The following ADAM23 variants were observed in gnomAD, a reference collection of about 807,000 sequenced individuals.
The protein encoded by ADAM23 is ADAM metallopeptidase domain 23.
A neutral mutation model predicts 120.1 loss-of-function variants in ADAM23; 33 were observed. The observed-to-expected ratio is 0.27, with a 90% CI of 0.21 to 0.37. ADAM23 has a LOEUF of 0.37. ADAM23 is among the 10% of genes least tolerant of loss of function. ADAM23 has a pLI of 1.00. For missense variants in ADAM23, 862 were observed against 1,058.2 expected (o/e 0.81, Z 2.57); for synonymous variants, 367 against 375.2 (o/e 0.98, Z 0.25).
chr2:206,583,229 C>T lies in ADAM23; in HGVS notation c.1738-4096C>T, dbSNP rs181440116. On this transcript the variant is annotated intron_variant, in intron 18 of 25. Transcript: ENST00000264377. Reference sequence around the variant, plus strand: ...CAGCACTTTGGGAGGCCAAGGCGGGCGGATCACGAGGTCAGGAGATCGAGA... The same window carrying T: ...CAGCACTTTGGGAGGCCAAGGCGGGTGGATCACGAGGTCAGGAGATCGAGA... Among the ~76,000 whole-genome samples, 404 of 152,264 alleles carry T rather than the reference C, an allele frequency of 2.7e-3. 1 individual carries two copies. Among genetic ancestry groups the T allele is most frequent in the African/African-American group, 9.3e-3 (385 of 41,562 alleles).
chr2:206,486,529 A>G (rs1696016984), intron 3 of ADAM23, among the ~76,000 whole-genome samples: 1 of 152,148 alleles, frequency 6.6e-6, no homozygotes, highest in African/African-American at 2.4e-5. Context: ...CAAAGCCTAT[A>G]TTACCCATAA....
intron 3 of ADAM23, among the ~76,000 whole-genome samples, chr2:206,493,933 C>T (rs1406287524): frequency 6.6e-6 from 1 of 152,154 alleles, no homozygotes; most frequent in Non-Finnish European, 1.5e-5. Context: ...TGTAAATCTC[C>T]AGGATTTCTT....
chr2:206,465,422 A>G (rs922376959), intron 2 of ADAM23, among the ~76,000 whole-genome samples: 4 of 152,218 alleles, frequency 2.6e-5, no homozygotes, highest in Non-Finnish European at 5.9e-5. Context: ...CAGAAAAAAA[A>G]GAGTTTGCTT....
intron 24 of ADAM23, chr2:206,605,703 G>A: frequency 1.5e-6 from 1 of 682,796 alleles, no homozygotes. Context: ...AACTTTCAAA[G>A]CATGTCCTGA....
intron 9 of ADAM23, 34 bp downstream of exon 9, chr2:206,550,194 A>C: frequency 7.6e-7 from 1 of 1,311,486 alleles, no homozygotes; most frequent in African/African-American, 1.5e-5. Context: ...TTTAGAACAG[A>C]TAGCTTACTT....
At chr2:206,556,835 A>G (rs1237510090) in intron 9 of ADAM23, among the ~76,000 whole-genome samples, 1 of 152,140 alleles carries the variant, frequency 6.6e-6, no homozygotes, top group Non-Finnish European at 1.5e-5. Context: ...TGCCTGGCAA[A>G]TGCTGTCCAT....
intron 24 of ADAM23, among the ~76,000 whole-genome samples, chr2:206,598,808 G>A (rs750156896): frequency 5.3e-5 from 8 of 151,988 alleles, no homozygotes; most frequent in Non-Finnish European, 7.4e-5. Context: ...GCTGAGGCAC[G>A]AGAATTGCTT....
chr2:206,595,978 T>C, intron 23 of ADAM23, 73 bp from the exon 24 acceptor site: 1 of 1,192,948 alleles, frequency 8.4e-7, no homozygotes, highest in East Asian at 2.5e-5. Context: ...TGCCCCCGTG[T>C]CTCTTTTACA....
intron 2 of ADAM23, among the ~76,000 whole-genome samples, chr2:206,473,572 A>AAATAATAATAATAATAATAATAATAAT (rs137861771): frequency 4.8e-5 from 7 of 147,168 alleles, no homozygotes; most frequent in Non-Finnish European, 7.5e-5. Context: ...CCCATCTCTA[A>AAATAATAATAATAATAATAATAATAAT]AATAATAATA....
intron 6 of ADAM23, among the ~76,000 whole-genome samples, chr2:206,545,497 T>A (rs12468080): frequency 0.28 from 43,012 of 151,096 alleles, 6,184 homozygotes; most frequent in South Asian, 0.33. Flanking sequence ...ATAAATAAAT[T>A]AATTAATTAA....
intron 18 of ADAM23, among the ~76,000 whole-genome samples, chr2:206,586,083 A>T (rs1352682639): frequency 6.6e-6 from 1 of 152,226 alleles, no homozygotes; most frequent in Non-Finnish European, 1.5e-5. Flanking sequence ...TGTGGGTGGC[A>T]GCATGACTGG....
At chr2:206,616,442 A>G (rs1698936517) in intron 25 of ADAM23, among the ~76,000 whole-genome samples, 1 of 152,244 alleles carries the variant, frequency 6.6e-6, no homozygotes, top group Non-Finnish European at 1.5e-5. Context: ...CTTTAAAAAG[A>G]AAAGACAAGT....
Position 206,546,584 on chromosome 2 carries a change from TG to T in ADAM23, c.721-844del, listed in dbSNP as rs776008179. ...CTTAAATAGTAATTTTCCATTATCC[TG>T]TCCCCCAAAGATAACTTCTTGTCAT... On this transcript the variant is annotated intron_variant, in intron 6 of 25. Coordinates refer to ENST00000264377, the MANE Select transcript of ADAM23 (RefSeq NM_003812.4). Among the ~76,000 whole-genome samples the T allele has an allele frequency of 1.2e-4, 18 of 152,304 alleles. No homozygotes were observed. In the East Asian group the frequency reaches 2.9e-3, roughly 24 times the overall value.
intron 24 of ADAM23, among the ~76,000 whole-genome samples, chr2:206,608,529 A>AT (rs568210906): frequency 2.0e-5 from 3 of 152,168 alleles, no homozygotes; most frequent in Non-Finnish European, 4.4e-5. Flanking sequence ...TAAGTGCACA[A>AT]TACGGTAGCT....
chr2:206,549,102 ATAACT>A (rs763779768), intron 8 of ADAM23, among the ~76,000 whole-genome samples: 12 of 152,042 alleles, frequency 7.9e-5, no homozygotes, highest in African/African-American at 1.4e-4. Context: ...AATTTACTAG[ATAACT>A]TAATGAGTAA....
chr2:206,524,675 C>T lies in ADAM23; in HGVS notation c.510-6210C>T, dbSNP rs538802928. 2.0e-5 allele frequency among the ~76,000 whole-genome samples: 3 copies of T among 152,300 alleles called. No individual in the cohort carries two copies. The South Asian group carries it at 6.2e-4, about 32-fold the overall frequency. ...GCGAGTCAAGTGAAAGGGGTTTCCC[C>T]TTATAAAACATCAGATCTCGTGAGA... On this transcript the variant is annotated intron_variant, in intron 3 of 25. Transcript: ENST00000264377.
chr2:206,514,520 C>A (rs921169964), intron 3 of ADAM23, among the ~76,000 whole-genome samples: 2 of 152,140 alleles, frequency 1.3e-5, no homozygotes, highest in Non-Finnish European at 2.9e-5. Context: ...TAAGTGGTTT[C>A]ATGAGATGGA....
At chr2:206,489,932 T>C (rs1014513078) in intron 3 of ADAM23, among the ~76,000 whole-genome samples, 2 of 152,228 alleles carry the variant, frequency 1.3e-5, no homozygotes, top group Non-Finnish European at 2.9e-5. Context: ...ATAATGCTGT[T>C]TGTTGAGTAG....
chr2:206,560,965 A>G (rs1160270027), intron 11 of ADAM23, among the ~76,000 whole-genome samples, 163 bp from the exon 12 acceptor site: 1 of 152,192 alleles, frequency 6.6e-6, no homozygotes, highest in Admixed American at 6.5e-5. Context: ...ACAAATTTAA[A>G]GGTAATTATG....
Sources: allele counts gnomAD v4.1 joint callset (sites outside exome capture counted in the v4.1 genomes callset), GRCh38; gene constraint gnomAD v4.1.1; transcripts MANE v1.5; gene names NCBI Gene and HGNC (gene_info 2026-07-23, HGNC 2026-07-21).